LINGO2: variants seen among roughly 807,000 people sequenced by gnomAD.
LINGO2 encodes the protein leucine rich repeat and Ig domain containing 2.
LINGO2 carries 14 observed loss-of-function variants against 30.6 expected under a neutral mutation model. The ratio of observed to expected loss-of-function variants is 0.46; its 90% CI spans 0.30 to 0.72. The LOEUF (loss-of-function observed/expected upper bound fraction) is 0.72. LINGO2 is among the 30% of genes least tolerant of loss of function. The probability of loss-of-function intolerance (pLI) is 0.07; values close to 1 mark genes in which losing one functional copy is unlikely to be tolerated. For missense variants in LINGO2, 729 were observed against 751.7 expected, an observed-to-expected ratio of 0.97 and a Z score of 0.35; for synonymous variants, 317 against 288.5, an observed-to-expected ratio of 1.10 and a Z score of -1.00.
At chr9:28,730,719 A>G in the LINGO2 span, among the ~76,000 whole-genome samples, 207 of 152,286 alleles carry the variant, frequency 1.4e-3, 1 homozygote, top group South Asian at 4.8e-3. Flanking sequence ...CAATAAGAAT[A>G]TGAAAAGATG....
At chr9:27,953,515 C>G (rs979082875) in intron 5 of LINGO2, among the ~76,000 whole-genome samples, 1 of 151,932 alleles carries the variant, frequency 6.6e-6, no homozygotes, top group African/African-American at 2.4e-5. Flanking sequence ...CCCATAATCC[C>G]CACATGTTGT....
chr9:28,694,703 G>A, the LINGO2 span, among the ~76,000 whole-genome samples: 1 of 151,894 alleles, frequency 6.6e-6, no homozygotes, highest in Non-Finnish European at 1.5e-5. Flanking sequence ...CTTTAATTTT[G>A]ACTGAGGCAG....
chr9:28,284,660 G>A (rs1823443059), intron 4 of LINGO2, among the ~76,000 whole-genome samples: 1 of 152,186 alleles, frequency 6.6e-6, no homozygotes, highest in Admixed American at 6.5e-5. Flanking sequence ...CCGTTTCTAT[G>A]AGTGTACTTC....
At chr9:28,141,111 AAAG>A (rs1339637961) in intron 4 of LINGO2, among the ~76,000 whole-genome samples, 2 of 152,206 alleles carry the variant, frequency 1.3e-5, no homozygotes, top group African/African-American at 4.8e-5. Flanking sequence ...ATAGATGAGA[AAAG>A]AAATTCTTAA....
chr9:28,509,470 A>G (rs903239726), intron 1 of LINGO2, among the ~76,000 whole-genome samples: 4 of 152,198 alleles, frequency 2.6e-5, no homozygotes, highest in African/African-American at 9.7e-5. Context: ...GTGGTTTACA[A>G]TCATTGTCTC....
intron 2 of LINGO2, 137 bp downstream of exon 4, chr9:28,475,803 T>C: frequency 6.6e-6 from 1 of 152,468 alleles, no homozygotes; most frequent in South Asian, 2.1e-4. Context: ...CTCCCTAAAG[T>C]CTTCCAAGTC....
the LINGO2 span, among the ~76,000 whole-genome samples, chr9:28,808,240 T>C: frequency 2.0e-5 from 3 of 152,208 alleles, no homozygotes; most frequent in African/African-American, 7.2e-5. Context: ...TAGTCATTCA[T>C]CCTCAGCCCA....
At chr9:28,797,914 C>A in the LINGO2 span, among the ~76,000 whole-genome samples, 1 of 151,984 alleles carries the variant, frequency 6.6e-6, no homozygotes, top group African/African-American at 2.4e-5. Flanking sequence ...CTGGAAGCAG[C>A]AGCCCATGAG....
At chr9:27,990,290 G>A (rs1821329654) in intron 5 of LINGO2, among the ~76,000 whole-genome samples, 1 of 140,660 alleles carries the variant, frequency 7.1e-6, no homozygotes. Context: ...TTTGCCACTA[G>A]TTTCTGACTG....
intron 4 of LINGO2, among the ~76,000 whole-genome samples, chr9:28,128,531 A>G (rs1208537826): frequency 6.6e-6 from 1 of 152,186 alleles, no homozygotes; most frequent in Non-Finnish European, 1.5e-5. Flanking sequence ...AAGTCTGGAC[A>G]TGATTTAAGG....
chr9:28,045,104 T>C (rs911013734), intron 4 of LINGO2, among the ~76,000 whole-genome samples: 4 of 151,686 alleles, frequency 2.6e-5, no homozygotes, highest in South Asian at 2.1e-4. Context: ...AAATTGAGAC[T>C]TTTTCCCCCC....
chr9:28,449,198 T>C (rs1824550073), intron 2 of LINGO2, among the ~76,000 whole-genome samples: 1 of 152,086 alleles, frequency 6.6e-6, no homozygotes, highest in South Asian at 2.1e-4. Flanking sequence ...GATGCTGTTG[T>C]TGGATTTTGC....
the LINGO2 span, among the ~76,000 whole-genome samples, chr9:28,866,726 G>T: frequency 6.6e-6 from 1 of 152,166 alleles, no homozygotes; most frequent in Non-Finnish European, 1.5e-5. Context: ...ATGTGAGCAT[G>T]AATTCATATA....
chr9:27,963,918 T>C (rs139986883), intron 5 of LINGO2, among the ~76,000 whole-genome samples: 1 of 152,180 alleles, frequency 6.6e-6, no homozygotes, highest in African/African-American at 2.4e-5. Context: ...AAATCAATTT[T>C]AGTATGAGCA....
At chr9:28,513,972 C>T (rs1428211897) in intron 1 of LINGO2, among the ~76,000 whole-genome samples, 9 of 152,172 alleles carry the variant, frequency 5.9e-5, no homozygotes, top group Non-Finnish European at 1.3e-4. Flanking sequence ...GTGCTCACTT[C>T]CTGTCTCTTT....
At chr9:27,956,646 T>C (rs1367326242) in intron 5 of LINGO2, among the ~76,000 whole-genome samples, 2 of 152,216 alleles carry the variant, frequency 1.3e-5, no homozygotes, top group Admixed American at 6.5e-5. Flanking sequence ...TTTTCTCCTA[T>C]GTATTCTTCT....
chr9:28,483,085 C>G (rs3920708), intron 1 of LINGO2, among the ~76,000 whole-genome samples: 94,776 of 151,884 alleles, frequency 0.62, 29,897 homozygotes, highest in South Asian at 0.74. Context: ...AAACCTAAAA[C>G]GTGCAAGGTA....
intron 4 of LINGO2, among the ~76,000 whole-genome samples, chr9:28,197,185 G>T (rs1049176070): frequency 6.6e-6 from 1 of 151,854 alleles, no homozygotes; most frequent in African/African-American, 2.4e-5. Flanking sequence ...CATACAACTA[G>T]TATGTATCCA....
chr9:28,387,263 A>G (rs977466538), intron 2 of LINGO2, among the ~76,000 whole-genome samples: 1 of 152,008 alleles, frequency 6.6e-6, no homozygotes, highest in Non-Finnish European at 1.5e-5. Context: ...AAAATGCACC[A>G]ATTGGCACTC....
Sources: gnomAD v4.1 joint callset for allele counts (sites outside exome capture counted in the v4.1 genomes callset) on GRCh38, gnomAD v4.1.1 for gene constraint, MANE v1.5 for transcripts, NCBI Gene and HGNC (gene_info 2026-07-23, HGNC 2026-07-21) for gene names.